The following LNPEP variants were observed in gnomAD, a reference collection of about 807,000 sequenced individuals.
LNPEP encodes leucyl-cystinyl aminopeptidase.
LNPEP carries 64 observed loss-of-function variants against 120.6 expected under a neutral mutation model. The observed-to-expected ratio is 0.53, with a 90% CI of 0.43 to 0.65. The LOEUF (loss-of-function observed/expected upper bound fraction) is 0.65, where lower values mean the gene tolerates loss of function less well. Ranked by LOEUF, LNPEP falls within the 30% of genes least tolerant of loss-of-function variation. The pLI is 0.00. For synonymous variants in LNPEP, 435 were observed against 425.4 expected, an observed-to-expected ratio of 1.02 and a Z score of -0.28; for missense variants, 1,057 against 1,200.0, an observed-to-expected ratio of 0.88 and a Z score of 1.76.
chr5:96,937,615 T>C (rs1788944608), intron 1 of LNPEP: 1 of 152,220 alleles, frequency 6.6e-6, no homozygotes, highest in South Asian at 2.1e-4. Flanking sequence ...TTTGGAAGAA[T>C]GCTTGGAGTT....
intron 1 of LNPEP, among the ~76,000 whole-genome samples, chr5:96,972,639 T>A (rs1036304995): frequency 6.6e-6 from 1 of 152,118 alleles, no homozygotes; most frequent in Non-Finnish European, 1.5e-5. Flanking sequence ...CCAGAGTGAT[T>A]GTGGGCTCAC....
At chr5:96,963,231 A>G (rs1449693125) in intron 1 of LNPEP, among the ~76,000 whole-genome samples, 2 of 152,214 alleles carry the variant, frequency 1.3e-5, no homozygotes, top group African/African-American at 4.8e-5. Flanking sequence ...TAATTGTGAT[A>G]ATAGTGTAGT....
chr5:96,990,243 G>A (rs1582009281), intron 4 of LNPEP, among the ~76,000 whole-genome samples: 1 of 152,124 alleles, frequency 6.6e-6, no homozygotes, highest in Non-Finnish European at 1.5e-5. Context: ...GACTTCTGTA[G>A]GGGAAAGATG....
intron 4 of LNPEP, among the ~76,000 whole-genome samples, chr5:96,989,321 A>T (rs897044149): frequency 1.4e-3 from 30 of 21,348 alleles, no homozygotes; most frequent in East Asian, 5.2e-3. Context: ...TATTATATAT[A>T]ATATATAATT....
At chr5:96,949,156 C>T (rs556771132) in intron 1 of LNPEP, among the ~76,000 whole-genome samples, 11 of 152,270 alleles carry the variant, frequency 7.2e-5, no homozygotes, top group African/African-American at 2.2e-4. Context: ...AGGATTCTTT[C>T]CATTTCATAT....
At chr5:96,943,136 T>C in intron 1 of LNPEP, 1 of 498,730 alleles carries the variant, frequency 2.0e-6, no homozygotes, top group Non-Finnish European at 3.0e-6. Context: ...GCAGATTACT[T>C]CCATCATTAT....
intron 1 of LNPEP, among the ~76,000 whole-genome samples, chr5:96,952,351 A>G (rs559757080): frequency 5.3e-5 from 8 of 152,344 alleles, no homozygotes; most frequent in Admixed American, 3.9e-4. Flanking sequence ...TGAAAATGGC[A>G]TATAACATAT....
intron 2 of LNPEP, 91 bp downstream of exon 2, chr5:96,980,069 AT>A (rs574179152): frequency 0.02 from 20,227 of 1,013,892 alleles, 13 homozygotes; most frequent in African/African-American, 0.026. Context: ...ACGAATTGTG[AT>A]TTTTTTTTTT....
intron 1 of LNPEP, chr5:96,942,286 T>C (rs1789073155): frequency 6.6e-6 from 1 of 152,064 alleles, no homozygotes; most frequent in Non-Finnish European, 1.5e-5. Context: ...CGCCGCTCGC[T>C]CTCACCAAAA....
chr5:97,032,626 G>A lies in LNPEP; in HGVS notation c.*4093G>A, dbSNP rs537822290. The A allele has an allele frequency of 1.8e-4, 27 of 152,216 alleles. No individual in the cohort carries two copies. The highest frequency in any genetic ancestry group is 6.5e-4 in the African/African-American group (27 of 41,530). 9.4% of individuals were successfully genotyped at this position (152,216 alleles called of 1,614,324 possible). Reference sequence around the variant, plus strand: ...GCAGTAGCTACAGACTAGTTATTTGGTTTCCTTCTTTGGAAGAAGGTGGTG... The same window carrying A: ...GCAGTAGCTACAGACTAGTTATTTGATTTCCTTCTTTGGAAGAAGGTGGTG... On this transcript the variant is annotated 3_prime_UTR_variant, in exon 18 of 18. Transcript: ENST00000231368.
At chr5:97,023,342 T>C (rs115484387) in intron 14 of LNPEP, among the ~76,000 whole-genome samples, 5,718 of 152,124 alleles carry the variant, frequency 0.038, 185 homozygotes, top group Middle Eastern at 0.11. Flanking sequence ...CAACCTCCAC[T>C]TCTCGGGTTC....
intron 1 of LNPEP, among the ~76,000 whole-genome samples, chr5:96,949,119 T>C (rs148499915): frequency 6.6e-6 from 1 of 152,364 alleles, no homozygotes; most frequent in East Asian, 1.9e-4. Flanking sequence ...TCCTAATTCT[T>C]TACTAAGGGC....
chr5:96,961,795 T>G lies in LNPEP; in HGVS notation c.20-17343T>G, dbSNP rs985575046. On this transcript the variant is annotated intron_variant, in intron 1 of 17. Coordinates refer to ENST00000231368, the MANE Select transcript of LNPEP (RefSeq NM_005575.3). ...ACTATGTAAATTATACTGTATTATA[T>G]TATTATTTTTGATTTTTTCAATTTT... is the stretch of plus-strand genomic sequence containing the variant. Among the ~76,000 whole-genome samples the G allele has an allele frequency of 2.0e-5, 3 of 152,154 alleles. No individual in the cohort carries two copies. In the East Asian group the frequency reaches 5.8e-4, roughly 29 times the overall value.
intron 13 of LNPEP, among the ~76,000 whole-genome samples, chr5:97,015,627 G>A (rs1004936883): frequency 3.3e-5 from 5 of 152,124 alleles, no homozygotes; most frequent in African/African-American, 1.2e-4. Context: ...CTTAACAGTT[G>A]TTATTTTGGA....
At chr5:96,949,445 T>C (rs1225965366) in intron 1 of LNPEP, among the ~76,000 whole-genome samples, 2 of 152,166 alleles carry the variant, frequency 1.3e-5, no homozygotes, top group African/African-American at 4.8e-5. Flanking sequence ...GTGTTACAGT[T>C]TCATCCCAAA....
chr5:97,029,693 T>A lies in LNPEP; in HGVS notation c.*1160T>A, dbSNP rs543072552. ...TAGTATGGTGGGCTTTGAATTTTTT[T>A]CACTATCAAAAATAGTGCTTTTGTT... is the stretch of plus-strand genomic sequence containing the variant. On this transcript the variant is annotated 3_prime_UTR_variant, in exon 18 of 18. Coordinates refer to ENST00000231368, the MANE Select transcript of LNPEP (RefSeq NM_005575.3). 1.8e-4 allele frequency: 28 copies of A among 152,334 alleles called. No individual in the cohort carries two copies. Among genetic ancestry groups the A allele is most frequent in the African/African-American group, 6.5e-4 (27 of 41,582 alleles). 9.4% of individuals were successfully genotyped at this position (152,334 alleles called of 1,614,324 possible).
intron 11 of LNPEP, chr5:97,010,471 A>AG (rs1790899511): frequency 1.0e-6 from 1 of 985,266 alleles, no homozygotes; most frequent in Non-Finnish European, 1.2e-6. Context: ...GTATTAGAGA[A>AG]GGGAATGCTT....
intron 1 of LNPEP, among the ~76,000 whole-genome samples, chr5:96,975,846 A>G (rs901098524): frequency 1.3e-5 from 2 of 152,206 alleles, no homozygotes; most frequent in Non-Finnish European, 2.9e-5. Context: ...TCCACAAACA[A>G]CATTGAGGAA....
intron 6 of LNPEP, 62 bp downstream of exon 6, chr5:96,994,033 T>C (rs1244385421): frequency 7.2e-7 from 1 of 1,380,884 alleles, no homozygotes; most frequent in Non-Finnish European, 1.0e-6. Context: ...CTGGAGTTAT[T>C]GTTAGCATTT....
Sources: allele counts gnomAD v4.1 joint callset (sites outside exome capture counted in the v4.1 genomes callset), GRCh38; gene constraint gnomAD v4.1.1; transcripts MANE v1.5; gene names NCBI Gene and HGNC (gene_info 2026-07-23, HGNC 2026-07-21).